Variants in NEK7 observed in about 807,000 individuals in gnomAD.
NEK7 encodes NIMA related kinase 7, also known as serine/threonine-protein kinase Nek7.
Under a neutral mutation model 44.6 loss-of-function variants are expected in NEK7, and 18 were observed. That is an observed-to-expected ratio of 0.40 (90% CI 0.28 to 0.60). NEK7 has a LOEUF of 0.60. NEK7 is among the 20% of genes least tolerant of loss of function. The pLI, the probability that NEK7 is intolerant of heterozygous loss-of-function variation, is 0.38. For synonymous variants in NEK7, 130 were observed against 121.1 expected (o/e 1.07, Z -0.48); for missense variants, 256 against 366.5 (o/e 0.70, Z 2.46).
chr1:198,232,733 G>T, intron 2 of NEK7, 96 bp downstream of exon 2: 1 of 669,518 alleles, frequency 1.5e-6, no homozygotes, highest in Non-Finnish European at 2.5e-6. Flanking sequence ...AGGAAATAAA[G>T]TAGCACAAAA....
rs558414503 is a variant in NEK7, at chr1:198,228,648, C to T, written c.-28-3905C>T. ...TGAAGCAATTGTGAATGGGAGTTCA[C>T]TCATGATTTGGCTCTCTGTTTGTCT... On this transcript the variant is annotated intron_variant, in intron 1 of 9. Coordinates refer to ENST00000367385, the MANE Select transcript of NEK7 (RefSeq NM_133494.3). Among the ~76,000 whole-genome samples, 219 of 152,182 alleles carry T rather than the reference C, an allele frequency of 1.4e-3. 1 individual carries two copies. The highest frequency in any genetic ancestry group is 5.1e-3 in the African/African-American group (212 of 41,532).
At chr1:198,289,770 A>G (rs1014731357) in intron 7 of NEK7, among the ~76,000 whole-genome samples, 3 of 152,202 alleles carry the variant, frequency 2.0e-5, no homozygotes, top group Admixed American at 1.3e-4. Flanking sequence ...CCATAATAGC[A>G]ACATGTTAGC....
At chr1:198,181,766 A>C (rs999541878) in intron 1 of NEK7, among the ~76,000 whole-genome samples, 3 of 152,164 alleles carry the variant, frequency 2.0e-5, no homozygotes, top group Non-Finnish European at 4.4e-5. Context: ...AGAAATGATT[A>C]TTTGAAAAAT....
At chr1:198,176,959 T>C (rs939213857) in intron 1 of NEK7, among the ~76,000 whole-genome samples, 4 of 152,100 alleles carry the variant, frequency 2.6e-5, no homozygotes, top group Non-Finnish European at 5.9e-5. Context: ...ATTCTGGAGC[T>C]ACAGGTTTAT....
chr1:198,197,874 T>C (rs547396656), intron 1 of NEK7: 3 of 1,017,450 alleles, frequency 2.9e-6, no homozygotes, highest in Admixed American at 3.5e-5. Flanking sequence ...TTCATCTGCA[T>C]CTTCTTGTCC....
At chr1:198,157,984 T>G (rs73073186) in intron 1 of NEK7, among the ~76,000 whole-genome samples, 4,139 of 152,244 alleles carry the variant, frequency 0.027, 193 homozygotes, top group African/African-American at 0.094. Flanking sequence ...GACAAGACCG[T>G]ATGACCGCAG....
At chr1:198,161,114 C>T (rs547447210) in intron 1 of NEK7, among the ~76,000 whole-genome samples, 3 of 152,020 alleles carry the variant, frequency 2.0e-5, no homozygotes, top group Non-Finnish European at 4.4e-5. Flanking sequence ...AAGTGTTAAG[C>T]GGAACAATAT....
intron 1 of NEK7, among the ~76,000 whole-genome samples, chr1:198,213,181 A>G (rs765312952): frequency 6.6e-6 from 1 of 152,200 alleles, no homozygotes; most frequent in Non-Finnish European, 1.5e-5. Context: ...AAGGATTCAC[A>G]GTAGTCTGGC....
chr1:198,244,327 T>C (rs149046800), intron 2 of NEK7, among the ~76,000 whole-genome samples: 2 of 152,150 alleles, frequency 1.3e-5, no homozygotes, highest in African/African-American at 4.8e-5. Context: ...ATGCTGTGAC[T>C]CTTCTAATTT....
chr1:198,305,422 C>A (rs1654996463), intron 9 of NEK7, among the ~76,000 whole-genome samples: 1 of 151,844 alleles, frequency 6.6e-6, no homozygotes, highest in Admixed American at 6.6e-5. Context: ...TTAACAGAAA[C>A]TTTTAAAAAA....
In NEK7 at chr1:198,276,282, G is replaced by A. The variant is rs547094785; in HGVS notation, c.373-1679G>A. ...TATAATTATGATGATTTCAAAATCC[G>A]TATTAAAGCATAAAAATTTGTTTTC... On this transcript the variant is annotated intron_variant, in intron 5 of 9. Coordinates refer to ENST00000367385, the MANE Select transcript of NEK7 (RefSeq NM_133494.3). 6.6e-5 allele frequency among the ~76,000 whole-genome samples: 10 copies of A among 151,600 alleles called. No individual in the cohort carries two copies. In the South Asian group the frequency reaches 1.7e-3, roughly 25 times the overall value.
intron 1 of NEK7, among the ~76,000 whole-genome samples, chr1:198,192,395 A>T (rs1297058403): frequency 7.0e-6 from 1 of 142,008 alleles, no homozygotes; most frequent in Non-Finnish European, 1.5e-5. Context: ...TATTTTCTCT[A>T]TTTCTGCTGT....
chr1:198,272,316 C>T (rs1312564611), intron 5 of NEK7, among the ~76,000 whole-genome samples: 1 of 151,798 alleles, frequency 6.6e-6, no homozygotes, highest in African/African-American at 2.4e-5. Context: ...TGATATAAAG[C>T]TCCCTTTTGT....
chr1:198,277,972 G>A lies in NEK7; in HGVS notation c.384G>A (p.Lys128=), dbSNP rs1322290930. 6.3e-7 allele frequency: 1 copy of A among 1,597,752 alleles called. No homozygotes were observed. Among genetic ancestry groups the A allele is most frequent in the South Asian group, 1.1e-5 (1 of 89,912 alleles). Residue 128 remains lysine (K), a synonymous_variant, in exon 6 of 10, where the codon AAG becomes AAA. Transcript: ENST00000367385. ...DLSRMIKHFK[K]QKRLIPERTV... is the part of the protein sequence containing the mutation. ...TAATTTTCAAAAAGCATTTTAAGAA[G>A]CAAAAGAGGCTAATTCCTGAAAGAA...
chr1:198,175,224 GTC>G (rs1406439503), intron 1 of NEK7, among the ~76,000 whole-genome samples: 1 of 152,146 alleles, frequency 6.6e-6, no homozygotes, highest in African/African-American at 2.4e-5. Flanking sequence ...CAGTTGATAA[GTC>G]TTTCTATAAG....
chr1:198,242,405 T>TC (rs1176229553), intron 2 of NEK7, among the ~76,000 whole-genome samples: 3 of 151,282 alleles, frequency 2.0e-5, no homozygotes, highest in Non-Finnish European at 4.4e-5. Context: ...CTTTTTCTTT[T>TC]TTTTTTTTTT....
At chr1:198,191,619 C>T (rs1665075893) in intron 1 of NEK7, among the ~76,000 whole-genome samples, 1 of 151,878 alleles carries the variant, frequency 6.6e-6, no homozygotes, top group South Asian at 2.1e-4. Context: ...ACAGATATTT[C>T]TAATTTTAAT....
chr1:198,209,037 G>GTATATATA (rs57962708), intron 1 of NEK7, among the ~76,000 whole-genome samples: 4 of 145,356 alleles, frequency 2.8e-5, no homozygotes, highest in African/African-American at 1.0e-4. Context: ...ATGTGTGTGT[G>GTATATATA]TATATATATA....
chr1:198,183,296 T>G (rs1180640465), intron 1 of NEK7, among the ~76,000 whole-genome samples: 1 of 152,174 alleles, frequency 6.6e-6, no homozygotes, highest in Non-Finnish European at 1.5e-5. Flanking sequence ...GGCCATGAGC[T>G]CTTTAATGGA....
Sources: allele counts gnomAD v4.1 joint callset (sites outside exome capture counted in the v4.1 genomes callset), GRCh38; gene constraint gnomAD v4.1.1; transcripts MANE v1.5; gene names NCBI Gene and HGNC (gene_info 2026-07-23, HGNC 2026-07-21).